B4GALNT2: variants seen among roughly 807,000 people sequenced by gnomAD.
B4GALNT2 encodes N-acetylneuraminylgalactosylglucosyl-glucoside beta-1,4-N- acetylgalactosaminyltransferase 2.
Under a neutral mutation model 51.1 loss-of-function variants are expected in B4GALNT2, and 42 were observed. The ratio of observed to expected loss-of-function variants is 0.82; its 90% CI spans 0.64 to 1.06. B4GALNT2 has a LOEUF of 1.06. B4GALNT2 is among the 50% of genes least tolerant of loss of function. The pLI is 0.00. For synonymous variants in B4GALNT2, 253 were observed against 251.7 expected, an observed-to-expected ratio of 1.01 and a Z score of -0.05; for missense variants, 602 against 633.6, an observed-to-expected ratio of 0.95 and a Z score of 0.54.
chr17:49,140,276 A>AT (rs1246846753), intron 1 of B4GALNT2, among the ~76,000 whole-genome samples: 9 of 151,690 alleles, frequency 5.9e-5, no homozygotes, highest in Non-Finnish European at 1.2e-4. Context: ...AATTTTTTGT[A>AT]TTTTTAGTAG....
At chr17:49,123,850 T>G in the B4GALNT2 span, among the ~76,000 whole-genome samples, 349 of 152,348 alleles carry the variant, frequency 2.3e-3, 1 homozygote, top group Non-Finnish European at 3.7e-3. Flanking sequence ...CTTTCTTGGC[T>G]TCATAAGTCA....
At chr17:49,166,754 C>T (rs2042915063) in intron 9 of B4GALNT2, among the ~76,000 whole-genome samples, 2 of 152,044 alleles carry the variant, frequency 1.3e-5, no homozygotes, top group Non-Finnish European at 2.9e-5. Flanking sequence ...ATCGCTTGAG[C>T]CCAGGAGTTC....
chr17:49,125,708 T>C, the B4GALNT2 span, among the ~76,000 whole-genome samples: 1 of 96,604 alleles, frequency 1.0e-5, no homozygotes, highest in African/African-American at 4.0e-5. Context: ...GAGGTGGGGG[T>C]CGGCCCCCGC....
rs140276043 is a variant in B4GALNT2 at position 49,163,226 on chromosome 17, C to T, written c.767-862C>T. ...GCTGTCCCCTCTCCAGTCTCTTATA[C>T]GTCACATGCCTTAAGATGGACAATT... On this transcript the variant is annotated intron_variant, in intron 7 of 10. Coordinates refer to ENST00000393354, the MANE Select transcript of B4GALNT2 (RefSeq NM_001159387.2). Among the ~76,000 whole-genome samples the T allele has an allele frequency of 3.3e-5, 5 of 152,292 alleles. No individual in the cohort carries two copies. In the East Asian group the frequency reaches 5.8e-4, roughly 18 times the overall value.
At position 49,176,727 on chromosome 17, in the gene B4GALNT2, T is replaced by C. The variant is rs2042991529; in HGVS notation, c.*6999T>C. 1 of 152,234 alleles carries C rather than the reference T, an allele frequency of 6.6e-6. No homozygotes were observed. Among genetic ancestry groups the C allele is most frequent in the Admixed American group, 6.5e-5 (1 of 15,294 alleles). 9.4% of individuals were successfully genotyped at this position (152,234 alleles called of 1,614,324 possible). On this transcript the variant is annotated 3_prime_UTR_variant, in exon 11 of 11. Transcript: ENST00000393354. ...GACCACTTCAGCCCTGCCTTTACAG[T>C]TTCTGTTTACCTGTAAACTTTTTCT... is the stretch of plus-strand genomic sequence containing the variant.
chr17:49,139,402 C>T (rs1324298188), intron 1 of B4GALNT2, among the ~76,000 whole-genome samples: 3 of 152,076 alleles, frequency 2.0e-5, no homozygotes, highest in African/African-American at 7.2e-5. Context: ...CCATGCCCAG[C>T]TATTTTTTTT....
chr17:49,128,919 C>T (rs1343898289), upstream of B4GALNT2, among the ~76,000 whole-genome samples: 1 of 152,138 alleles, frequency 6.6e-6, no homozygotes, highest in Non-Finnish European at 1.5e-5. Flanking sequence ...AGTCAAAAGG[C>T]AGAGACCCAG....
intron 1 of B4GALNT2, chr17:49,133,343 G>T (rs915981471): frequency 3.4e-6 from 4 of 1,168,764 alleles, no homozygotes; most frequent in Non-Finnish European, 3.4e-6. Context: ...GGCGCCCACC[G>T]CAGGGCAGAG....
chr17:49,141,272 A>G lies in B4GALNT2; in HGVS notation c.40A>G (p.Ile14Val). ...GGSRFLWLLK[I>V]LVIILVLGIV... ...CTCGAGATTTCTGTGGCTCCTCAAGATATTGGTCATAATCCTGGTACTTGG... is the reference window on the plus strand; with the variant it reads ...CTCGAGATTTCTGTGGCTCCTCAAGGTATTGGTCATAATCCTGGTACTTGG... The change falls in exon 2 of 11, where the codon ATA becomes GTA. Residue 14 changes from isoleucine (I) to valine (V), a missense_variant. Coordinates refer to ENST00000393354, the MANE Select transcript of B4GALNT2 (RefSeq NM_001159387.2). 6.2e-7 allele frequency: 1 copy of G among 1,613,930 alleles called. No individual in the cohort carries two copies. The highest frequency in any genetic ancestry group is 8.5e-7 in the Non-Finnish European group (1 of 1,179,936).
chr17:49,156,546 C>CT lies in B4GALNT2; in HGVS notation c.461-16dup, dbSNP rs780239716. 25 of 1,613,542 alleles carry CT rather than the reference C, an allele frequency of 1.5e-5. No individual in the cohort carries two copies. The highest frequency in any genetic ancestry group is 1.9e-5 in the Non-Finnish European group (23 of 1,179,806). On this transcript the variant is annotated intron_variant, in intron 4 of 10. Coordinates refer to ENST00000393354, the MANE Select transcript of B4GALNT2 (RefSeq NM_001159387.2). Reference sequence around the variant, plus strand: ...TGTCTTTCATGAGCAGTTTTCTTTCCTTTTCCCTGTGTCCTCCAGGCCTCC... The same window carrying CT: ...TGTCTTTCATGAGCAGTTTTCTTTCCTTTTTCCCTGTGTCCTCCAGGCCTCC...
intron 1 of B4GALNT2, among the ~76,000 whole-genome samples, chr17:49,138,934 A>G (rs1026362575): frequency 1.3e-5 from 2 of 152,172 alleles, no homozygotes; most frequent in African/African-American, 4.8e-5. Flanking sequence ...TTCTCTTGTT[A>G]TGCTGTTGTG....
At chr17:49,158,919 C>A in intron 5 of B4GALNT2, 118 bp from the exon 6 acceptor site, 1 of 1,203,076 alleles carries the variant, frequency 8.3e-7, no homozygotes, top group Non-Finnish European at 1.2e-6. Flanking sequence ...CACCCTGGTG[C>A]TTCTCCCCTC....
rs771627399 is a variant in B4GALNT2, at chr17:49,169,657, A to G, written c.1450A>G (p.Asn484Asp). The stretch of plus-strand genomic sequence containing the variant: ...GAAGACCTACAATACATACCGGTCC[A>G]ACACCCTCACCCGGGTCCAGTTCAA... ...LEKTYNTYRSNTLTRVQFKLA... is the reference protein window; with the variant it reads ...LEKTYNTYRSDTLTRVQFKLA... The change falls in exon 11 of 11, where the codon AAC becomes GAC. Residue 484 changes from asparagine to aspartate, a missense_variant. By Grantham distance (23) the Asn-to-Asp change is conservative. Transcript: ENST00000393354. 3 of 1,611,130 alleles carry G rather than the reference A, an allele frequency of 1.9e-6. 1 individual carries two copies. In the South Asian group the frequency reaches 3.3e-5, roughly 18 times the overall value.
chr17:49,128,613 G>A (rs188498844), upstream of B4GALNT2, among the ~76,000 whole-genome samples: 39 of 152,264 alleles, frequency 2.6e-4, no homozygotes, highest in East Asian at 1.3e-3. Context: ...ACCTCTTGGC[G>A]TTTGCCATTC....
chr17:49,153,992 G>A (rs907322959), intron 4 of B4GALNT2, among the ~76,000 whole-genome samples: 1 of 151,356 alleles, frequency 6.6e-6, no homozygotes, highest in Non-Finnish European at 1.5e-5. Flanking sequence ...CAAAACATAA[G>A]CCACTCTGTA....
At chr17:49,122,882 A>G in the B4GALNT2 span, among the ~76,000 whole-genome samples, 1 of 152,242 alleles carries the variant, frequency 6.6e-6, no homozygotes, top group Non-Finnish European at 1.5e-5. Context: ...GAGTGAGTAA[A>G]GCAGTTCCCA....
At chr17:49,149,347 A>G (rs2042727700) in intron 3 of B4GALNT2, among the ~76,000 whole-genome samples, 1 of 151,946 alleles carries the variant, frequency 6.6e-6, no homozygotes, top group Non-Finnish European at 1.5e-5. Context: ...TTCCTTTTTC[A>G]TTAAGACATG....
chr17:49,126,836 C>A, the B4GALNT2 span, among the ~76,000 whole-genome samples: 2 of 152,050 alleles, frequency 1.3e-5, no homozygotes. Context: ...ATAGCTGGGA[C>A]TATAGGTACG....
At chr17:49,156,428 C>G (rs2042810902) in intron 4 of B4GALNT2, 138 bp from the exon 5 acceptor site, 1 of 873,536 alleles carries the variant, frequency 1.1e-6, no homozygotes, top group Admixed American at 2.3e-5. Context: ...GCGCACGTGT[C>G]AGCAAACACT....
Sources: allele counts gnomAD v4.1 joint callset (sites outside exome capture counted in the v4.1 genomes callset), GRCh38; gene constraint gnomAD v4.1.1; transcripts MANE v1.5; gene names NCBI Gene and HGNC (gene_info 2026-07-23, HGNC 2026-07-21).